The following SMARCAD1 variants were observed in gnomAD, a reference collection of about 807,000 sequenced individuals.
The protein encoded by SMARCAD1 is SWI/SNF-related matrix-associated actin-dependent regulator of chromatin subfamily A containing DEAD/H box 1.
A neutral mutation model predicts 127.1 loss-of-function variants in SMARCAD1; 25 were observed. The observed-to-expected ratio is 0.20, with a 90% CI of 0.14 to 0.27. The LOEUF (loss-of-function observed/expected upper bound fraction) is 0.27. SMARCAD1 is among the 10% of genes least tolerant of loss of function. The pLI is 1.00. For missense variants in SMARCAD1, 807 were observed against 1,206.0 expected, an observed-to-expected ratio of 0.67 and a Z score of 4.90; for synonymous variants, 400 against 396.9, an observed-to-expected ratio of 1.01 and a Z score of -0.09.
chr4:94,213,041 T>C, intron 2 of SMARCAD1: 2 of 1,277,366 alleles, frequency 1.6e-6, no homozygotes, highest in African/African-American at 1.5e-5. Flanking sequence ...ACAGTGAGTT[T>C]GGAGGGATTG....
intron 11 of SMARCAD1, 26 bp from the exon 12 acceptor site, chr4:94,273,591 T>C (rs1752853869): frequency 6.6e-7 from 1 of 1,507,358 alleles, no homozygotes; most frequent in Non-Finnish European, 9.2e-7. Context: ...TTTAAAATGT[T>C]ATATATTGTC....
chr4:94,270,639 G>A lies in SMARCAD1; in HGVS notation c.1482-89G>A, dbSNP rs1752423584. 7.6e-6 allele frequency: 8 copies of A among 1,055,932 alleles called. No individual in the cohort carries two copies. In the Admixed American group the frequency reaches 1.2e-4, roughly 16 times the overall value. 65.4% of individuals were successfully genotyped at this position (1,055,932 alleles called of 1,614,324 possible). On this transcript the variant is annotated intron_variant, in intron 10 of 23. Transcript: ENST00000354268. The stretch of plus-strand genomic sequence containing the variant: ...AGTTAAAAGGTAAGATTAGACCTAG[G>A]CATTTTAGTTTTTATGTGCATTGTA...
intron 1 of SMARCAD1, 132 bp downstream of exon 1, chr4:94,208,202 G>T (rs1226018425): frequency 1.4e-6 from 1 of 718,372 alleles, no homozygotes; most frequent in Non-Finnish European, 2.5e-6. Context: ...AATTGTTGCG[G>T]CCTAACAATG....
rs1579210047 is a variant in SMARCAD1, at chr4:94,252,739, A to G, written c.1013A>G (p.Asn338Ser). ...CAGAAATTTTCAATGAAAGCACAAA[A>G]TGGCTTTAACAAGAAACGTAAAAAA... Reference protein sequence around the residue: ...LKQKFSMKAQNGFNKKRKKNV... With the variant: ...LKQKFSMKAQSGFNKKRKKNV... Residue 338 changes from asparagine (N) to serine (S), a missense_variant, in exon 9 of 24, where the codon AAT becomes AGT. Coordinates refer to ENST00000354268, the MANE Select transcript of SMARCAD1 (RefSeq NM_020159.5). 1.9e-6 allele frequency: 3 copies of G among 1,604,036 alleles called. No homozygotes were observed. The highest frequency in any genetic ancestry group is 2.6e-6 in the Non-Finnish European group (3 of 1,175,998).
chr4:94,236,901 A>G (rs1223394749), intron 4 of SMARCAD1, 51 bp from the exon 5 acceptor site: 7 of 1,402,902 alleles, frequency 5.0e-6, no homozygotes, highest in Non-Finnish European at 6.1e-6. Flanking sequence ...AGTAACTGAA[A>G]TAATTCTTAA....
chr4:94,245,176 G>A (rs746248597), intron 6 of SMARCAD1, among the ~76,000 whole-genome samples: 11 of 152,122 alleles, frequency 7.2e-5, no homozygotes, highest in South Asian at 2.1e-4. Flanking sequence ...GTTTGGACTC[G>A]GAGCAGTCAA....
At chr4:94,239,485 A>G (rs561819132) in intron 5 of SMARCAD1, among the ~76,000 whole-genome samples, 1 of 151,834 alleles carries the variant, frequency 6.6e-6, no homozygotes. Flanking sequence ...TGTATATCCA[A>G]AGTTTTTACT....
At chr4:94,233,138 ATAGAAT>A (rs1293220627) in intron 3 of SMARCAD1, among the ~76,000 whole-genome samples, 1 of 152,214 alleles carries the variant, frequency 6.6e-6, no homozygotes, top group Non-Finnish European at 1.5e-5. Context: ...CTATTCAGAA[ATAGAAT>A]TAGCAGCATA....
At chr4:94,224,799 G>T (rs973238990) in intron 2 of SMARCAD1, among the ~76,000 whole-genome samples, 3 of 152,034 alleles carry the variant, frequency 2.0e-5, no homozygotes, top group East Asian at 1.9e-4. Flanking sequence ...TTCTCTCAGG[G>T]TTTATTTCTC....
intron 6 of SMARCAD1, among the ~76,000 whole-genome samples, chr4:94,248,909 CTTGTGTG>C (rs1396358957): frequency 6.6e-6 from 1 of 152,176 alleles, no homozygotes; most frequent in African/African-American, 2.4e-5. Flanking sequence ...TTTTCTCCAT[CTTGTGTG>C]TATAGCATGT....
At chr4:94,218,200 C>T (rs746945567) in intron 2 of SMARCAD1, among the ~76,000 whole-genome samples, 7 of 151,830 alleles carry the variant, frequency 4.6e-5, no homozygotes, top group Non-Finnish European at 8.8e-5. Context: ...TTTAGAAGTC[C>T]CTCCTTTAGG....
At chr4:94,283,850 C>G (rs1579368637) in intron 22 of SMARCAD1, among the ~76,000 whole-genome samples, 1 of 151,784 alleles carries the variant, frequency 6.6e-6, no homozygotes, top group East Asian at 2.0e-4. Context: ...AAAAAATTGT[C>G]TACCCCTTTG....
chr4:94,289,993 G>T lies in SMARCAD1; in HGVS notation c.*459G>T, dbSNP rs572893362. On this transcript the variant is annotated 3_prime_UTR_variant, in exon 24 of 24. Transcript: ENST00000354268. ...TGAAGTTCTTTTTTATTATGTTAAAGAATGCAGCTGTATAGATTATATAGC... is the reference window on the plus strand; with the variant it reads ...TGAAGTTCTTTTTTATTATGTTAAATAATGCAGCTGTATAGATTATATAGC... 1 of 454,414 alleles carries T rather than the reference G, an allele frequency of 2.2e-6. No individual in the cohort carries two copies. Among genetic ancestry groups the T allele is most frequent in the East Asian group, 6.9e-5 (1 of 14,398 alleles). 28.1% of individuals were successfully genotyped at this position (454,414 alleles called of 1,614,324 possible).
At chr4:94,214,329 C>G (rs1228269579) in intron 2 of SMARCAD1, among the ~76,000 whole-genome samples, 1 of 148,312 alleles carries the variant, frequency 6.7e-6, no homozygotes, top group Non-Finnish European at 1.5e-5. Context: ...GTGGCGCAAT[C>G]TCAACTCACT....
intron 9 of SMARCAD1, among the ~76,000 whole-genome samples, chr4:94,262,889 TAAAAA>T (rs368026206): frequency 1.1e-5 from 1 of 87,426 alleles, no homozygotes; most frequent in African/African-American, 3.7e-5. Flanking sequence ...TAATTTCTGT[TAAAAA>T]AAAAAAAAAA....
At chr4:94,224,507 G>A (rs1421996123) in intron 2 of SMARCAD1, among the ~76,000 whole-genome samples, 2 of 152,152 alleles carry the variant, frequency 1.3e-5, no homozygotes, top group African/African-American at 4.8e-5. Context: ...AGTTTTTACA[G>A]CATTTTTGAT....
At chr4:94,282,395 G>A (rs557634221) in intron 21 of SMARCAD1, among the ~76,000 whole-genome samples, 12 of 151,862 alleles carry the variant, frequency 7.9e-5, no homozygotes, top group Admixed American at 5.2e-4. Context: ...CGCGCCCGGC[G>A]CAAATACGTT....
intron 5 of SMARCAD1, among the ~76,000 whole-genome samples, chr4:94,238,244 A>T (rs1747010789): frequency 6.6e-6 from 1 of 152,120 alleles, no homozygotes; most frequent in Admixed American, 6.5e-5. Context: ...TGTGGGTGCT[A>T]CCTACAGTGT....
At chr4:94,242,741 C>A (rs1369660173) in intron 6 of SMARCAD1, among the ~76,000 whole-genome samples, 281 of 127,372 alleles carry the variant, frequency 2.2e-3, no homozygotes, top group Admixed American at 2.5e-3. Context: ...CCTGTCTCTG[C>A]AAAAAAAAAA....
Sources: allele counts gnomAD v4.1 joint callset (sites outside exome capture counted in the v4.1 genomes callset), GRCh38; gene constraint gnomAD v4.1.1; transcripts MANE v1.5; gene names NCBI Gene and HGNC (gene_info 2026-07-23, HGNC 2026-07-21).